The following MS4A4E variants were observed in gnomAD, a reference collection of about 807,000 sequenced individuals.
The protein encoded by MS4A4E is putative membrane-spanning 4-domains subfamily A member 4E.
MS4A4E carries 23 observed loss-of-function variants against 13.3 expected under a neutral mutation model. The observed-to-expected ratio is 1.73, with a 90% CI of 1.25 to 2.45. The LOEUF (loss-of-function observed/expected upper bound fraction) is 2.45. Ranked by LOEUF, MS4A4E falls within the 30% of genes most tolerant of loss-of-function variation. The pLI, the probability that MS4A4E is intolerant of heterozygous loss-of-function variation, is 0.00. For synonymous variants in MS4A4E, 36 were observed against 45.6 expected (o/e 0.79, Z 0.85); for missense variants, 144 against 131.2 (o/e 1.10, Z -0.48).
chr11:60,221,173 C>T (rs543133282), intron 3 of MS4A4E, among the ~76,000 whole-genome samples: 1 of 152,264 alleles, frequency 6.6e-6, no homozygotes, highest in Non-Finnish European at 1.5e-5. Flanking sequence ...TTGGTAGAAA[C>T]TAAACGGTTG....
At chr11:60,227,754 T>A (rs182027966) in intron 3 of MS4A4E, among the ~76,000 whole-genome samples, 45 of 151,692 alleles carry the variant, frequency 3.0e-4, no homozygotes, top group African/African-American at 9.2e-4. Flanking sequence ...AATAGACAAA[T>A]AGATCAAGGG....
chr11:60,216,021 C>T (rs1384635097), intron 3 of MS4A4E, among the ~76,000 whole-genome samples: 2 of 152,072 alleles, frequency 1.3e-5, no homozygotes, highest in Admixed American at 6.6e-5. Context: ...AGGAATAGAA[C>T]TGAAGAGGCC....
At chr11:60,223,531 G>A (rs1187032732) in intron 3 of MS4A4E, among the ~76,000 whole-genome samples, 2 of 152,132 alleles carry the variant, frequency 1.3e-5, no homozygotes, top group African/African-American at 4.8e-5. Flanking sequence ...TAACTTGATT[G>A]GATTGAAGGA....
chr11:60,214,540 CT>C, intron 4 of MS4A4E, 30 bp downstream of exon 4: 1 of 1,466,786 alleles, frequency 6.8e-7, no homozygotes, highest in Non-Finnish European at 9.1e-7. Flanking sequence ...TAATCCTTTC[CT>C]TTTGATACCC....
Position 60,214,508 on chromosome 11 carries a change from C to G in MS4A4E, c.222+63G>C, listed in dbSNP as rs79560910. 233 of 1,185,714 alleles carry G rather than the reference C, an allele frequency of 2.0e-4. No individual in the cohort carries two copies. In the African/African-American group the frequency reaches 2.7e-3, roughly 14 times the overall value. The allele number at this position is 1,185,714 out of a possible 1,614,324, so 73.4% of individuals were successfully genotyped here. A position where few individuals can be genotyped will look rare whatever the true frequency, so the allele number is the denominator to read the frequency against. On this transcript the variant is annotated intron_variant, in intron 4 of 8. Transcript: ENST00000651255. ...CAAACAAACAAAACCTGTTTTATAC[C>G]CTGGCAGAATACATTATTGATTAAT...
At chr11:60,221,310 G>A (rs1228241345) in intron 3 of MS4A4E, among the ~76,000 whole-genome samples, 1 of 152,160 alleles carries the variant, frequency 6.6e-6, no homozygotes, top group Non-Finnish European at 1.5e-5. Flanking sequence ...TGGCATATAT[G>A]TGATCAGGCT....
intron 3 of MS4A4E, among the ~76,000 whole-genome samples, chr11:60,216,251 A>G (rs1322596842): frequency 2.0e-5 from 3 of 152,218 alleles, no homozygotes; most frequent in African/African-American, 4.8e-5. Flanking sequence ...CAGCTCCTGC[A>G]GTTCTTGGTA....
At chr11:60,238,725 C>T (rs1426444935) in intron 1 of MS4A4E, among the ~76,000 whole-genome samples, 3 of 151,946 alleles carry the variant, frequency 2.0e-5, no homozygotes, top group Non-Finnish European at 4.4e-5. Flanking sequence ...TCTTCTTTTT[C>T]CAGTTTATTA....
At chr11:60,223,338 G>A (rs2134950579) in intron 3 of MS4A4E, among the ~76,000 whole-genome samples, 1 of 152,130 alleles carries the variant, frequency 6.6e-6, no homozygotes, top group Admixed American at 6.5e-5. Context: ...TTAACTTTAG[G>A]TAATAGCATT....
chr11:60,217,651 A>G (rs1676408179), intron 3 of MS4A4E, among the ~76,000 whole-genome samples: 1 of 152,206 alleles, frequency 6.6e-6, no homozygotes, highest in Non-Finnish European at 1.5e-5. Context: ...CCAAATTAAT[A>G]CTTTTATAAT....
chr11:60,230,455 A>G (rs2084394545), intron 1 of MS4A4E, among the ~76,000 whole-genome samples: 1 of 152,200 alleles, frequency 6.6e-6, no homozygotes, highest in Non-Finnish European at 1.5e-5. Flanking sequence ...AATAAGCTAC[A>G]CAAATTCATC....
At chr11:60,218,686 GC>G (rs1367324570) in intron 3 of MS4A4E, among the ~76,000 whole-genome samples, 1 of 152,118 alleles carries the variant, frequency 6.6e-6, no homozygotes, top group Non-Finnish European at 1.5e-5. Context: ...CACTCCCAAG[GC>G]CCCTGTTTGC....
intron 1 of MS4A4E, among the ~76,000 whole-genome samples, chr11:60,230,647 T>C (rs1329195425): frequency 6.6e-6 from 1 of 152,160 alleles, no homozygotes; most frequent in Non-Finnish European, 1.5e-5. Context: ...TAAATCTCTT[T>C]TCCTATTACA....
chr11:60,235,573 C>T (rs2084472388), intron 1 of MS4A4E, among the ~76,000 whole-genome samples: 1 of 152,190 alleles, frequency 6.6e-6, no homozygotes, highest in Non-Finnish European at 1.5e-5. Flanking sequence ...CTTGCACCAC[C>T]TTACTTTTTT....
intron 3 of MS4A4E, among the ~76,000 whole-genome samples, chr11:60,216,344 G>A (rs2084192442): frequency 6.6e-6 from 1 of 152,046 alleles, no homozygotes; most frequent in Non-Finnish European, 1.5e-5. Context: ...CATGAAAGCG[G>A]AAACCTAGGT....
intron 1 of MS4A4E, among the ~76,000 whole-genome samples, chr11:60,235,462 G>A (rs718376): frequency 0.31 from 46,622 of 152,066 alleles, 8,514 homozygotes; most frequent in South Asian, 0.51. Flanking sequence ...AAGGACACTT[G>A]CAGTTTCATA....
At chr11:60,240,351 G>A (rs1156943309) in intron 1 of MS4A4E, among the ~76,000 whole-genome samples, 1 of 151,938 alleles carries the variant, frequency 6.6e-6, no homozygotes, top group Admixed American at 6.5e-5. Context: ...CCATCTCCTC[G>A]TGCCAAGCCA....
intron 1 of MS4A4E, among the ~76,000 whole-genome samples, chr11:60,230,686 T>A (rs563599220): frequency 6.6e-6 from 1 of 152,226 alleles, no homozygotes; most frequent in Non-Finnish European, 1.5e-5. Context: ...TGCTGGTGCA[T>A]AGCAAGAATA....
At chr11:60,209,443 G>A (rs1414838873) in intron 5 of MS4A4E, among the ~76,000 whole-genome samples, 2 of 152,268 alleles carry the variant, frequency 1.3e-5, no homozygotes, top group East Asian at 3.9e-4. Flanking sequence ...AAAGGAGTAC[G>A]GCCTTGCCCA....
Sources: gnomAD v4.1 joint callset for allele counts (sites outside exome capture counted in the v4.1 genomes callset) on GRCh38, gnomAD v4.1.1 for gene constraint, MANE v1.5 for transcripts, NCBI Gene and HGNC (gene_info 2026-07-23, HGNC 2026-07-21) for gene names.